The following CYP4F3 variants were observed in gnomAD, a reference collection of about 807,000 sequenced individuals.
The protein encoded by CYP4F3 is cytochrome P450 4F3.
In CYP4F3, 50 loss-of-function variants were observed where a neutral mutation model predicts 54.8. The observed-to-expected ratio is 0.91, with a 90% CI of 0.73 to 1.16. CYP4F3 has a LOEUF of 1.16. Among genes scored for constraint, CYP4F3 ranks in the 50% most tolerant of loss-of-function variants. The pLI, the probability that CYP4F3 is intolerant of heterozygous loss-of-function variation, is 0.00. For synonymous variants in CYP4F3, 244 were observed against 262.6 expected (o/e 0.93, Z 0.69); for missense variants, 715 against 676.2 (o/e 1.06, Z -0.64).
Position 15,647,077 on chromosome 19 carries a change from C to T in CYP4F3, c.369C>T (p.Val123=). The change falls in exon 4 of 13, where the codon GTC becomes GTT. Residue 123 remains valine, a synonymous_variant. Transcript: ENST00000221307. ...APAAIVPKDK[V]FYSFLKPWLG... The stretch of plus-strand genomic sequence containing the variant: ...CTGCCATTGTACCAAAGGACAAGGT[C>T]TTCTACAGCTTCCTGAAGCCCTGGC... The T allele has an allele frequency of 1.2e-6, 2 of 1,614,216 alleles. No individual in the cohort carries two copies. The highest frequency in any genetic ancestry group is 1.7e-6 in the Non-Finnish European group (2 of 1,180,034).
rs199886487 is a variant in CYP4F3, at chr19:15,641,444, G to A, written c.29G>A (p.Gly10Asp). Residue 10 changes from glycine (G) to aspartate (D), a missense_variant, in exon 2 of 13, where the codon GGC becomes GAC. Transcript: ENST00000221307. ...CCACAGCTGAGCCTGTCCTCGCTGG[G>A]CCTTTGGCCAATGGCAGCATCCCCG... is the stretch of plus-strand genomic sequence containing the variant. MPQLSLSSL[G>D]LWPMAASPWL... is the part of the protein sequence containing the mutation. 2.0e-5 allele frequency: 33 copies of A among 1,614,186 alleles called. 1 individual carries two copies. In the East Asian group the frequency reaches 7.1e-4, roughly 35 times the overall value.
intron 2 of CYP4F3, among the ~76,000 whole-genome samples, chr19:15,645,286 A>G (rs957530354): frequency 3.9e-5 from 6 of 152,128 alleles, no homozygotes; most frequent in Non-Finnish European, 7.3e-5. Context: ...CTGATTGCCT[A>G]GTCTCGGCAG....
intron 9 of CYP4F3, among the ~76,000 whole-genome samples, chr19:15,657,384 C>T (rs1206876273): frequency 6.6e-6 from 1 of 152,168 alleles, no homozygotes; most frequent in East Asian, 1.9e-4. Context: ...GCAGTCTCTG[C>T]CTCCCAGATT....
At position 15,645,703 on chromosome 19, in the gene CYP4F3, G is replaced by A. The variant is rs2280748; in HGVS notation, c.199-16G>A. On this transcript the variant is annotated splice_polypyrimidine_tract_variant and intron_variant, in intron 2 of 12. Transcript: ENST00000221307. ...CCTAGGAGAGCATGAATTGGGTCCT[G>A]TGTCTTTCTCTCCAGATTCACAGCT... 6,987 of 1,596,604 alleles carry A rather than the reference G, an allele frequency of 4.4e-3. 435 individuals carry two copies. The East Asian group carries it at 0.13, about 31-fold the overall frequency.
intron 3 of CYP4F3, among the ~76,000 whole-genome samples, chr19:15,646,558 A>G (rs1324129727): frequency 6.6e-6 from 1 of 152,168 alleles, no homozygotes; most frequent in Non-Finnish European, 1.5e-5. Context: ...TCTCATGTGC[A>G]TGTTAGAGCA....
chr19:15,650,189 C>A lies in CYP4F3; in HGVS notation c.918+6C>A. The A allele has an allele frequency of 1.2e-6, 2 of 1,614,108 alleles. No homozygotes were observed. The highest frequency in any genetic ancestry group is 1.7e-6 in the Non-Finnish European group (2 of 1,180,006). ...ATGTACTCCTGCTGAGCAAGGTGGGCCTCTCTGGGATCTGAATTCAAGAAG... is the reference window on the plus strand; with the variant it reads ...ATGTACTCCTGCTGAGCAAGGTGGGACTCTCTGGGATCTGAATTCAAGAAG... On this transcript the variant is annotated splice_donor_region_variant and intron_variant, in intron 7 of 12. Coordinates refer to ENST00000221307, the MANE Select transcript of CYP4F3 (RefSeq NM_000896.3).
At chr19:15,658,131 G>A in intron 9 of CYP4F3, 133 bp from the exon 10 acceptor site, 1 of 1,543,022 alleles carries the variant, frequency 6.5e-7, no homozygotes, top group South Asian at 1.2e-5. Flanking sequence ...TTTTATTCCT[G>A]CGACTTTGTA....
At chr19:15,649,768 T>C in intron 6 of CYP4F3, 145 bp from the exon 7 acceptor site, 1 of 1,214,248 alleles carries the variant, frequency 8.2e-7, no homozygotes. Context: ...GATTTCATGC[T>C]GATCCCCATC....
intron 5 of CYP4F3, among the ~76,000 whole-genome samples, chr19:15,648,361 G>C (rs2144645473): frequency 6.6e-6 from 1 of 151,956 alleles, no homozygotes; most frequent in East Asian, 1.9e-4. Context: ...TTGCATTACA[G>C]GGAAGGGGCA....
At position 15,658,760 on chromosome 19, in the gene CYP4F3, A is replaced by G; in HGVS notation, c.1348A>G (p.Ile450Val). Residue 450 changes from isoleucine to valine, a missense_variant, in exon 12 of 13, where the codon ATC becomes GTC. By Grantham distance (29) the Ile-to-Val change is conservative. Coordinates refer to ENST00000221307, the MANE Select transcript of CYP4F3 (RefSeq NM_000896.3). The stretch of plus-strand genomic sequence containing the variant: ...CCCCTTTCGCTTTGACCCAAAGAAC[A>G]TCAAGGAGAGGTCACCTCTGGCTTT... ...YDPFRFDPKN[I>V]KERSPLAFIP... is the part of the protein sequence containing the mutation. 6.2e-7 allele frequency: 1 copy of G among 1,614,122 alleles called. No individual in the cohort carries two copies.
At chr19:15,642,396 A>G (rs923587905) in intron 2 of CYP4F3, among the ~76,000 whole-genome samples, 2 of 152,114 alleles carry the variant, frequency 1.3e-5, no homozygotes, top group Non-Finnish European at 2.9e-5. Flanking sequence ...TCCCCTAGTG[A>G]CTGCTGAGAA....
chr19:15,644,067 C>G (rs747133087), intron 2 of CYP4F3: 119 of 1,561,894 alleles, frequency 7.6e-5, no homozygotes, highest in Non-Finnish European at 9.3e-5. Context: ...ACCTGGAATA[C>G]TTGGTGGTGG....
At chr19:15,640,972 G>A in intron 1 of CYP4F3, 27 bp downstream of exon 1, 1 of 163,818 alleles carries the variant, frequency 6.1e-6, no homozygotes, top group Admixed American at 6.0e-5. Context: ...GGTGGGCCTG[G>A]GGCATCCTAG....
intron 2 of CYP4F3, among the ~76,000 whole-genome samples, chr19:15,644,659 A>T (rs186230110): frequency 2.0e-5 from 3 of 152,322 alleles, no homozygotes; most frequent in Non-Finnish European, 4.4e-5. Flanking sequence ...GTGTGGGTCA[A>T]GTCCTTTTAC....
At chr19:15,656,475 A>G (rs866012662) in intron 9 of CYP4F3, among the ~76,000 whole-genome samples, 14 of 43,470 alleles carry the variant, frequency 3.2e-4, no homozygotes, top group Admixed American at 1.6e-3. Flanking sequence ...TTGTTTATCT[A>G]TCTATCTATC....
At chr19:15,648,559 T>C (rs1023302128) in intron 5 of CYP4F3, among the ~76,000 whole-genome samples, 2 of 152,094 alleles carry the variant, frequency 1.3e-5, no homozygotes, top group Non-Finnish European at 2.9e-5. Context: ...TCTACAAACC[T>C]AGGATATTTT....
chr19:15,652,844 G>T lies in CYP4F3; in HGVS notation c.1007G>T (p.Gly336Val), dbSNP rs1472238963. The T allele has an allele frequency of 6.2e-7, 1 of 1,613,154 alleles. No individual in the cohort carries two copies. Among genetic ancestry groups the T allele is most frequent in the African/African-American group, 1.3e-5 (1 of 75,000 alleles). ...MFEGHDTTAS[G>V]LSWVLYHLAK... Reference sequence around the variant, plus strand: ...CCAGGCCATGACACCACAGCCAGTGGTCTCTCCTGGGTCCTGTACCACCTT... The same window carrying T: ...CCAGGCCATGACACCACAGCCAGTGTTCTCTCCTGGGTCCTGTACCACCTT... The change falls in exon 9 of 13, where the codon GGT (glycine) becomes GTT (valine). Residue 336 changes from glycine (G) to valine (V), a missense_variant. By Grantham distance (109) the Gly-to-Val change is moderately radical. Coordinates refer to ENST00000221307, the MANE Select transcript of CYP4F3 (RefSeq NM_000896.3).
At position 15,661,244 on chromosome 19, in the gene CYP4F3, G is replaced by A. The variant is rs1337838628; in HGVS notation, c.*1859G>A. 1.3e-5 allele frequency: 2 copies of A among 151,682 alleles called. No homozygotes were observed. Among genetic ancestry groups the A allele is most frequent in the Non-Finnish European group, 2.9e-5 (2 of 68,010 alleles). 9.4% of individuals were successfully genotyped at this position (151,682 alleles called of 1,614,324 possible). A position where few individuals can be genotyped will look rare whatever the true frequency, so the allele number is the denominator to read the frequency against. The stretch of plus-strand genomic sequence containing the variant: ...GCCACTACGCTCCAGCCTGGGGGAG[G>A]GGGACATAGCGAGACTCGGTCTCAA... On this transcript the variant is annotated 3_prime_UTR_variant, in exon 13 of 13. Coordinates refer to ENST00000221307, the MANE Select transcript of CYP4F3 (RefSeq NM_000896.3).
At position 15,653,503 on chromosome 19, in the gene CYP4F3, G is replaced by T. The variant is rs568604454; in HGVS notation, c.1115+551G>T. ...GAGACCTGGGAAGGACCCAACCAGGGATCTATTTTCCAGGTGCTCCCAGCC... is the reference window on the plus strand; with the variant it reads ...GAGACCTGGGAAGGACCCAACCAGGTATCTATTTTCCAGGTGCTCCCAGCC... On this transcript the variant is annotated intron_variant, in intron 9 of 12. Transcript: ENST00000221307. 1.6e-4 allele frequency among the ~76,000 whole-genome samples: 25 copies of T among 152,250 alleles called. No individual in the cohort carries two copies. The South Asian group carries it at 2.3e-3, about 14-fold the overall frequency.
Sources: allele counts gnomAD v4.1 joint callset (sites outside exome capture counted in the v4.1 genomes callset), GRCh38; gene constraint gnomAD v4.1.1; transcripts MANE v1.5; gene names NCBI Gene and HGNC (gene_info 2026-07-23, HGNC 2026-07-21).